ANKRD30BL: variants seen among roughly 807,000 people sequenced by gnomAD.
ANKRD30BL encodes the protein ankyrin repeat domain 30B like.
In ANKRD30BL, 20 loss-of-function variants were observed where a neutral mutation model predicts 18.4. The ratio of observed to expected loss-of-function variants is 1.09; its 90% CI spans 0.77 to 1.58. ANKRD30BL has a LOEUF of 1.58. Ranked by LOEUF, ANKRD30BL falls within the 40% of genes most tolerant of loss-of-function variation. The pLI, the probability that ANKRD30BL is intolerant of heterozygous loss-of-function variation, is 0.00. For synonymous variants in ANKRD30BL, 72 were observed against 100.9 expected, an observed-to-expected ratio of 0.71 and a Z score of 1.72; for missense variants, 224 against 268.6, an observed-to-expected ratio of 0.83 and a Z score of 1.16.
At chr2:132,248,199 G>A (rs370602240) in intron 1 of ANKRD30BL, among the ~76,000 whole-genome samples, 2 of 151,366 alleles carry the variant, frequency 1.3e-5, no homozygotes, top group Admixed American at 6.6e-5. Flanking sequence ...ACAAAGGTTC[G>A]ACACTGTGAG....
At chr2:132,232,507 A>C (rs550908677) in intron 1 of ANKRD30BL, among the ~76,000 whole-genome samples, 1 of 152,322 alleles carries the variant, frequency 6.6e-6, no homozygotes, top group East Asian at 1.9e-4. Context: ...GATGGAGCTG[A>C]AAACCAAGGC....
At chr2:132,168,658 C>G (rs1688226791) in intron 1 of ANKRD30BL, among the ~76,000 whole-genome samples, 1 of 151,942 alleles carries the variant, frequency 6.6e-6, no homozygotes, top group Non-Finnish European at 1.5e-5. Context: ...AGCATAGTAG[C>G]TACAGCTGAT....
At chr2:132,255,882 T>C (rs1014905768) in intron 1 of ANKRD30BL, among the ~76,000 whole-genome samples, 6 of 152,038 alleles carry the variant, frequency 3.9e-5, no homozygotes, top group African/African-American at 1.4e-4. Context: ...GGGCGTGCGA[T>C]TGGCCCGAGG....
At chr2:132,241,631 T>C (rs1680329233) in intron 1 of ANKRD30BL, among the ~76,000 whole-genome samples, 1 of 151,920 alleles carries the variant, frequency 6.6e-6, no homozygotes, top group African/African-American at 2.4e-5. Flanking sequence ...TTTTGTAGAA[T>C]CTGCAAGTGG....
At chr2:132,194,245 G>A (rs7567294) in intron 1 of ANKRD30BL, among the ~76,000 whole-genome samples, 1,697 of 152,296 alleles carry the variant, frequency 0.011, 30 homozygotes, top group African/African-American at 0.038. Context: ...AGAGGATCAT[G>A]GGAATTTTGG....
intron 1 of ANKRD30BL, among the ~76,000 whole-genome samples, chr2:132,182,387 C>T (rs559347918): frequency 8.0e-4 from 121 of 150,384 alleles, no homozygotes; most frequent in Non-Finnish European, 1.5e-3. Flanking sequence ...GAGGCTGAGG[C>T]AGGAGAATGG....
intron 1 of ANKRD30BL, among the ~76,000 whole-genome samples, chr2:132,167,022 T>G (rs1337876440): frequency 2.6e-5 from 4 of 151,216 alleles, no homozygotes; most frequent in Admixed American, 2.6e-4. Context: ...AATTACTGTT[T>G]AGTCTTCTTT....
At chr2:132,237,636 G>A (rs1302700157) in intron 1 of ANKRD30BL, among the ~76,000 whole-genome samples, 5 of 152,084 alleles carry the variant, frequency 3.3e-5, no homozygotes, top group African/African-American at 1.2e-4. Context: ...AAACTAGACA[G>A]GAGCATTCTC....
At chr2:132,198,355 C>G (rs1006840095) in intron 1 of ANKRD30BL, among the ~76,000 whole-genome samples, 2 of 129,188 alleles carry the variant, frequency 1.5e-5, no homozygotes, top group Non-Finnish European at 3.1e-5. Flanking sequence ...ACAGAGTCTC[C>G]CTCTGTCGCC....
chr2:132,199,448 A>C (rs1679048727), intron 1 of ANKRD30BL, among the ~76,000 whole-genome samples: 1 of 152,198 alleles, frequency 6.6e-6, no homozygotes, highest in Non-Finnish European at 1.5e-5. Context: ...GATAATTTTG[A>C]AACTAAACAC....
At chr2:132,189,731 C>T (rs530699800) in intron 1 of ANKRD30BL, among the ~76,000 whole-genome samples, 114 of 152,200 alleles carry the variant, frequency 7.5e-4, no homozygotes, top group African/African-American at 2.2e-3. Context: ...CTTCTGCATT[C>T]TACAGCTTAT....
intron 1 of ANKRD30BL, among the ~76,000 whole-genome samples, chr2:132,236,024 A>G (rs1230963928): frequency 2.6e-5 from 4 of 152,158 alleles, no homozygotes; most frequent in Non-Finnish European, 4.4e-5. Flanking sequence ...GAGCCCTCAG[A>G]AATAATGCCA....
chr2:132,238,919 T>G (rs994310299), intron 1 of ANKRD30BL, among the ~76,000 whole-genome samples: 71 of 152,158 alleles, frequency 4.7e-4, no homozygotes, highest in African/African-American at 1.7e-3. Context: ...AAGTGGACAT[T>G]TGGAGTGCCT....
At chr2:132,221,375 G>T (rs1216428608) in intron 1 of ANKRD30BL, among the ~76,000 whole-genome samples, 3,801 of 129,692 alleles carry the variant, frequency 0.029, 50 homozygotes, top group African/African-American at 0.13. Flanking sequence ...GGGAGGGGGG[G>T]TCAGCCCCCT....
intron 1 of ANKRD30BL, among the ~76,000 whole-genome samples, chr2:132,181,207 C>T (rs1681412077): frequency 1.3e-5 from 2 of 151,906 alleles, no homozygotes; most frequent in Non-Finnish European, 2.9e-5. Flanking sequence ...GGCATGGTGG[C>T]TGATGCCTGT....
upstream of ANKRD30BL, among the ~76,000 whole-genome samples, chr2:132,164,272 T>C (rs1453275871): frequency 3.2e-5 from 2 of 61,822 alleles, no homozygotes; most frequent in African/African-American, 1.2e-4. Flanking sequence ...TCTTTTTCTT[T>C]TTTTTTTTTT....
At chr2:132,164,469 T>C (rs951021809), upstream of ANKRD30BL, among the ~76,000 whole-genome samples, 2 of 151,692 alleles carry the variant, frequency 1.3e-5, no homozygotes, top group African/African-American at 2.4e-5. Context: ...TTTTGTCTTT[T>C]TAGTAGAGAT....
chr2:132,222,832 TAAAAAAAAAAAAAAA>T (rs71001178), intron 1 of ANKRD30BL, among the ~76,000 whole-genome samples: 41 of 52,812 alleles, frequency 7.8e-4, no homozygotes, highest in South Asian at 1.9e-3. Flanking sequence ...GAATGATCAA[TAAAAAAAAAAAAAAA>T]AAAAAAAAAA....
At chr2:132,152,299 ATCT>A (rs1687780308) in intron 4 of ANKRD30BL, 1 of 152,190 alleles carries the variant, frequency 6.6e-6, no homozygotes, top group Non-Finnish European at 1.5e-5. Context: ...GACCATGCTG[ATCT>A]TCTCAACGTT....
Sources: gnomAD v4.1 joint callset for allele counts (sites outside exome capture counted in the v4.1 genomes callset) on GRCh38, gnomAD v4.1.1 for gene constraint, MANE v1.5 for transcripts, NCBI Gene and HGNC (gene_info 2026-07-23, HGNC 2026-07-21) for gene names.